The following YTHDC2 variants were observed in gnomAD, a reference collection of about 807,000 sequenced individuals.
YTHDC2 encodes YTH N6-methyladenosine RNA binding protein C2.
In YTHDC2, 45 loss-of-function variants were observed where a neutral mutation model predicts 174.9. The ratio of observed to expected loss-of-function variants is 0.26; its 90% CI spans 0.20 to 0.33. The LOEUF (loss-of-function observed/expected upper bound fraction) is 0.33. YTHDC2 is among the 10% of genes least tolerant of loss of function. YTHDC2 has a pLI of 1.00. For synonymous variants in YTHDC2, 657 were observed against 574.5 expected, an observed-to-expected ratio of 1.14 and a Z score of -2.05; for missense variants, 1,650 against 1,723.7, an observed-to-expected ratio of 0.96 and a Z score of 0.76.
intron 12 of YTHDC2, 75 bp downstream of exon 12, chr5:113,549,095 T>C: frequency 7.8e-7 from 1 of 1,280,128 alleles, no homozygotes; most frequent in South Asian, 1.3e-5. Context: ...TTATGGGCTA[T>C]TCAAATGTAG....
chr5:113,517,298 T>C (rs1372593448), intron 2 of YTHDC2, among the ~76,000 whole-genome samples: 1 of 152,220 alleles, frequency 6.6e-6, no homozygotes, highest in Non-Finnish European at 1.5e-5. Context: ...TTGGGTTTAC[T>C]AGTTGCAGGT....
intron 13 of YTHDC2, 82 bp from the exon 14 acceptor site, chr5:113,553,508 A>G: frequency 6.6e-7 from 1 of 1,505,252 alleles, no homozygotes; most frequent in Non-Finnish European, 9.1e-7. Context: ...ACTTGAAAAC[A>G]TGTGATACAG....
intron 21 of YTHDC2, among the ~76,000 whole-genome samples, chr5:113,566,604 G>A (rs950580344): frequency 2.0e-5 from 3 of 152,086 alleles, no homozygotes; most frequent in East Asian, 3.9e-4. Flanking sequence ...TATAAGGAAT[G>A]AACCAGAGGA....
chr5:113,549,027 C>T lies in YTHDC2; in HGVS notation c.1688+7C>T. ...ATCTTCTAGAATCTTACAGGTAAAA[C>T]TTTGTACTATTTTAAATTAATTCTA... On this transcript the variant is annotated splice_region_variant and intron_variant, in intron 12 of 29. Transcript: ENST00000161863. 1 of 1,605,200 alleles carries T rather than the reference C, an allele frequency of 6.2e-7. No individual in the cohort carries two copies. Among genetic ancestry groups the T allele is most frequent in the Non-Finnish European group, 8.5e-7 (1 of 1,173,500 alleles).
chr5:113,542,209 G>C (rs1026593428), intron 9 of YTHDC2, among the ~76,000 whole-genome samples, 159 bp from the exon 10 acceptor site: 1 of 152,208 alleles, frequency 6.6e-6, no homozygotes, highest in Non-Finnish European at 1.5e-5. Context: ...TATTGTGAGT[G>C]ATAATGTTTG....
In YTHDC2 at chr5:113,581,680, A is replaced by G. The variant is rs1474321002; in HGVS notation, c.3618A>G (p.Glu1206=). 1.2e-6 allele frequency: 2 copies of G among 1,608,094 alleles called. No homozygotes were observed. The highest frequency in any genetic ancestry group is 1.7e-6 in the Non-Finnish European group (2 of 1,178,014). Reference sequence around the variant, plus strand: ...GTAGGAAAAGTTCAGCAGATACTGAATTTTCTGATGAGTGTACTACTGCAG... The same window carrying G: ...GTAGGAAAAGTTCAGCAGATACTGAGTTTTCTGATGAGTGTACTACTGCAG... ...NNSRKSSADT[E]FSDECTTAER... The change falls in exon 25 of 30, where the codon GAA becomes GAG. Residue 1206 remains glutamate (E), a synonymous_variant. Coordinates refer to ENST00000161863, the MANE Select transcript of YTHDC2 (RefSeq NM_022828.5).
chr5:113,516,009 C>T (rs1019590096), intron 2 of YTHDC2, among the ~76,000 whole-genome samples: 8 of 152,280 alleles, frequency 5.3e-5, no homozygotes, highest in Middle Eastern at 6.8e-3. Flanking sequence ...TCTGCTTCTT[C>T]TCGATTGCCT....
chr5:113,585,961 G>C (rs989498833), intron 26 of YTHDC2, among the ~76,000 whole-genome samples: 1 of 151,846 alleles, frequency 6.6e-6, no homozygotes, highest in South Asian at 2.1e-4. Flanking sequence ...GTACTAACTG[G>C]TACTAACATT....
intron 26 of YTHDC2, among the ~76,000 whole-genome samples, chr5:113,586,610 A>G (rs891719884): frequency 6.6e-6 from 1 of 151,404 alleles, no homozygotes; most frequent in African/African-American, 2.4e-5. Context: ...ATTTTCTCCT[A>G]TGTTTTTAGA....
intron 2 of YTHDC2, chr5:113,517,587 A>G (rs1358953155): frequency 2.2e-6 from 1 of 456,196 alleles, no homozygotes; most frequent in Admixed American, 2.3e-5. Flanking sequence ...AGAAAAAGGA[A>G]AGAGATGCTA....
intron 4 of YTHDC2, among the ~76,000 whole-genome samples, chr5:113,529,879 G>A (rs1158018833): frequency 6.6e-6 from 1 of 151,734 alleles, no homozygotes; most frequent in East Asian, 1.9e-4. Flanking sequence ...TAGGGCTTTG[G>A]GGCATGTTAA....
At position 113,541,018 on chromosome 5, in the gene YTHDC2, A is replaced by G. The variant is rs1251691321; in HGVS notation, c.1261A>G (p.Ser421Gly). 2 of 1,614,034 alleles carry G rather than the reference A, an allele frequency of 1.2e-6. No individual in the cohort carries two copies. The highest frequency in any genetic ancestry group is 1.7e-6 in the Non-Finnish European group (2 of 1,180,012). ...AGAATGGTACTCAGCTCAAGAAAAT[A>G]GTTTCAAGCCTGAATCTCAGAGGCA... is the stretch of plus-strand genomic sequence containing the variant. Reference protein sequence around the residue: ...LTEWYSAQENSFKPESQRQRT... With the variant: ...LTEWYSAQENGFKPESQRQRT... The change falls in exon 9 of 30, where the codon AGT becomes GGT. Residue 421 changes from serine to glycine, a missense_variant. By Grantham distance (56) the Ser-to-Gly change is moderately conservative (BLOSUM62 0). Transcript: ENST00000161863.
At chr5:113,587,488 CATATAATAT>C (rs1219242153) in intron 26 of YTHDC2, among the ~76,000 whole-genome samples, 3 of 67,482 alleles carry the variant, frequency 4.4e-5, no homozygotes, top group South Asian at 3.6e-4. Context: ...ATTATGTATT[CATATAATAT>C]ATATAATGTA....
At chr5:113,520,694 C>A (rs975542654) in intron 2 of YTHDC2, among the ~76,000 whole-genome samples, 3 of 152,072 alleles carry the variant, frequency 2.0e-5, no homozygotes, top group Non-Finnish European at 1.5e-5. Flanking sequence ...ACCAATGGTT[C>A]TTTCTTATAC....
At chr5:113,580,385 A>G (rs1054071356) in intron 24 of YTHDC2, among the ~76,000 whole-genome samples, 1 of 152,168 alleles carries the variant, frequency 6.6e-6, no homozygotes, top group Admixed American at 6.5e-5. Context: ...ATGATTCCAT[A>G]CTATTTTCTC....
chr5:113,539,328 C>T (rs956177496), intron 8 of YTHDC2, 147 bp downstream of exon 8: 3 of 367,170 alleles, frequency 8.2e-6, no homozygotes, highest in Admixed American at 5.1e-5. Context: ...GGAATATTGT[C>T]CCAAATATTC....
Position 113,549,002 on chromosome 5 carries a change from A to T in YTHDC2, c.1670A>T (p.Asp557Val). The T allele has an allele frequency of 6.2e-7, 1 of 1,612,716 alleles. No homozygotes were observed. Among genetic ancestry groups the T allele is most frequent in the Non-Finnish European group, 8.5e-7 (1 of 1,179,190 alleles). ...CACTTTGGGCAGACTGAAATTGTGGATCTTCTAGAATCTTACAGGTAAAAC... is the reference window on the plus strand; with the variant it reads ...CACTTTGGGCAGACTGAAATTGTGGTTCTTCTAGAATCTTACAGGTAAAAC... The part of the protein sequence containing the change: ...AKHFGQTEIV[D>V]LLESYSATLE... Residue 557 changes from aspartate (D) to valine (V), a missense_variant, in exon 12 of 30, where the codon GAT becomes GTT. Transcript: ENST00000161863.
At chr5:113,582,329 A>T (rs1778450689) in intron 25 of YTHDC2, 1 of 152,136 alleles carries the variant, frequency 6.6e-6, no homozygotes, top group Non-Finnish European at 1.5e-5. Context: ...ATTTAGCCAA[A>T]TTCTTCTTTT....
intron 2 of YTHDC2, among the ~76,000 whole-genome samples, chr5:113,524,390 C>T (rs2112545768): frequency 6.6e-6 from 1 of 152,132 alleles, no homozygotes; most frequent in East Asian, 1.9e-4. Context: ...ATCATCATTA[C>T]CTTATAATTG....
Sources: allele counts gnomAD v4.1 joint callset (sites outside exome capture counted in the v4.1 genomes callset), GRCh38; gene constraint gnomAD v4.1.1; transcripts MANE v1.5; gene names NCBI Gene and HGNC (gene_info 2026-07-23, HGNC 2026-07-21).